The following NR6A1 variants were observed in gnomAD, a reference collection of about 807,000 sequenced individuals.
The protein encoded by NR6A1 is nuclear receptor subfamily 6 group A member 1.
In NR6A1, 7 loss-of-function variants were observed where a neutral mutation model predicts 59.1. That is an observed-to-expected ratio of 0.12 (90% CI 0.07 to 0.22). The LOEUF (loss-of-function observed/expected upper bound fraction) is 0.22. NR6A1 is among the 10% of genes least tolerant of loss of function. The pLI, the probability that NR6A1 is intolerant of heterozygous loss-of-function variation, is 1.00. For synonymous variants in NR6A1, 243 were observed against 236.1 expected (o/e 1.03, Z -0.27); for missense variants, 468 against 611.6 (o/e 0.77, Z 2.48).
At chr9:124,714,156 TATG>T (rs1440080762) in intron 2 of NR6A1, among the ~76,000 whole-genome samples, 1 of 152,212 alleles carries the variant, frequency 6.6e-6, no homozygotes, top group African/African-American at 2.4e-5. Context: ...GACAAAACTG[TATG>T]ATTCCACTTA....
intron 2 of NR6A1, among the ~76,000 whole-genome samples, chr9:124,721,748 C>A (rs1364133767): frequency 6.6e-6 from 1 of 152,156 alleles, no homozygotes; most frequent in East Asian, 1.9e-4. Context: ...TTCTTTTACA[C>A]AAAAACCCTG....
In NR6A1 at chr9:124,517,660, G is replaced by C. The variant is rs531311994; in HGVS notation, c.*5045C>G. ...GAGCCCTTAAAGGTGGTGTCTGTGG[G>C]AGTGGTGCTCCCTATGCCCTGGAGC... On this transcript the variant is annotated 3_prime_UTR_variant, in exon 10 of 10. Transcript: ENST00000487099. The C allele has an allele frequency of 6.6e-6, 1 of 152,352 alleles. No individual in the cohort carries two copies. The highest frequency in any genetic ancestry group is 6.5e-5 in the Admixed American group (1 of 15,300). The allele number at this position is 152,352 out of a possible 1,614,324, so 9.4% of individuals were successfully genotyped here.
intron 2 of NR6A1, among the ~76,000 whole-genome samples, chr9:124,575,358 G>A (rs1834557662): frequency 6.6e-6 from 1 of 152,166 alleles, no homozygotes; most frequent in Admixed American, 6.5e-5. Context: ...CAGACTGTCT[G>A]AGCTCAGGAG....
intron 2 of NR6A1, among the ~76,000 whole-genome samples, chr9:124,566,373 T>C (rs2131415239): frequency 6.6e-6 from 1 of 152,302 alleles, no homozygotes; most frequent in East Asian, 1.9e-4. Context: ...TATCTATTTA[T>C]CTTTAAGTAT....
intron 1 of NR6A1, among the ~76,000 whole-genome samples, chr9:124,766,071 A>C (rs565724367): frequency 6.6e-6 from 1 of 152,146 alleles, no homozygotes; most frequent in Non-Finnish European, 1.5e-5. Context: ...TCAAAGTTAC[A>C]TCTAGAGACG....
chr9:124,523,711 A>G (rs532850048), intron 9 of NR6A1, among the ~76,000 whole-genome samples: 16 of 152,222 alleles, frequency 1.1e-4, no homozygotes, highest in Non-Finnish European at 1.8e-4. Context: ...TAAAATTCCA[A>G]TAGTTTAGGC....
At chr9:124,564,458 T>C (rs79085108) in intron 2 of NR6A1, among the ~76,000 whole-genome samples, 5,850 of 152,314 alleles carry the variant, frequency 0.038, 330 homozygotes, top group African/African-American at 0.12. Context: ...AGATGCCGTT[T>C]ACAATAGCAT....
intron 6 of NR6A1, 57 bp from the exon 7 acceptor site, chr9:124,536,189 G>T: frequency 6.4e-6 from 10 of 1,569,302 alleles, no homozygotes; most frequent in Non-Finnish European, 8.6e-6. Context: ...GAGGATAAGG[G>T]TACAGAGAGA....
intron 1 of NR6A1, among the ~76,000 whole-genome samples, chr9:124,749,050 G>C (rs1385949842): frequency 2.0e-5 from 3 of 152,132 alleles, no homozygotes; most frequent in Admixed American, 1.3e-4. Flanking sequence ...ATCACCTGAA[G>C]TAGGGAGTTT....
rs1833371555 is a variant in NR6A1 at position 124,539,165 on chromosome 9, A to C, written c.597-846T>G. 5.3e-5 allele frequency among the ~76,000 whole-genome samples: 8 copies of C among 152,264 alleles called. No homozygotes were observed. The South Asian group carries it at 1.7e-3, about 32-fold the overall frequency. The stretch of plus-strand genomic sequence containing the variant: ...AGCAATCTACCCACCTTGACCTCCC[A>C]AAGTGCTGGGAATACAGATGTGAGC... On this transcript the variant is annotated intron_variant, in intron 5 of 9. Coordinates refer to ENST00000487099, the MANE Select transcript of NR6A1 (RefSeq NM_033334.4).
chr9:124,563,400 T>TTAAA (rs1834134888), intron 2 of NR6A1, among the ~76,000 whole-genome samples: 3 of 152,246 alleles, frequency 2.0e-5, no homozygotes, highest in Admixed American at 2.0e-4. Flanking sequence ...GCCTAGCATT[T>TTAAA]CAGACATACT....
At position 124,687,386 on chromosome 9, in the gene NR6A1, CT is replaced by C. The variant is rs571577877; in HGVS notation, c.142+45921del. ...AAACTCCTGGCCTCAAGTGATACCCCTATCTCAGCTCCCAAAGTGCTGGCAT... is the reference window on the plus strand; with the variant it reads ...AAACTCCTGGCCTCAAGTGATACCCCATCTCAGCTCCCAAAGTGCTGGCAT... On this transcript the variant is annotated intron_variant, in intron 2 of 9. Transcript: ENST00000487099. Among the ~76,000 whole-genome samples, 90 of 152,056 alleles carry C rather than the reference CT, an allele frequency of 5.9e-4. 1 individual carries two copies. The South Asian group carries it at 0.018, about 30-fold the overall frequency.
chr9:124,592,680 G>A (rs906571270), intron 2 of NR6A1, among the ~76,000 whole-genome samples: 7 of 152,120 alleles, frequency 4.6e-5, no homozygotes, highest in African/African-American at 1.4e-4. Flanking sequence ...AGGTCTCCCC[G>A]CCTCCCCTTA....
intron 2 of NR6A1, among the ~76,000 whole-genome samples, chr9:124,671,770 C>T (rs1424851728): frequency 6.6e-5 from 10 of 152,106 alleles, no homozygotes; most frequent in Admixed American, 4.6e-4. Context: ...TATGTTTTAC[C>T]TCAAACTTTT....
chr9:124,762,407 G>A (rs1840807185), intron 1 of NR6A1, among the ~76,000 whole-genome samples: 2 of 152,090 alleles, frequency 1.3e-5, no homozygotes, highest in South Asian at 4.1e-4. Flanking sequence ...CTTAATATCT[G>A]GCTTAATCCT....
chr9:124,520,355 G>C lies in NR6A1; in HGVS notation c.*2350C>G, dbSNP rs937605482. On this transcript the variant is annotated 3_prime_UTR_variant, in exon 10 of 10. Coordinates refer to ENST00000487099, the MANE Select transcript of NR6A1 (RefSeq NM_033334.4). ...TGCTCTGAGATTCTGCAGGGCTCTCGGCAATGAATGGGCTCTTTGTTCTGT... is the reference window on the plus strand; with the variant it reads ...TGCTCTGAGATTCTGCAGGGCTCTCCGCAATGAATGGGCTCTTTGTTCTGT... 1.3e-5 allele frequency: 2 copies of C among 152,152 alleles called. No individual in the cohort carries two copies. Among genetic ancestry groups the C allele is most frequent in the African/African-American group, 4.8e-5 (2 of 41,422 alleles). 9.4% of individuals were successfully genotyped at this position (152,152 alleles called of 1,614,324 possible).
At chr9:124,635,601 G>A (rs538032570) in intron 2 of NR6A1, among the ~76,000 whole-genome samples, 17 of 152,282 alleles carry the variant, frequency 1.1e-4, no homozygotes, top group Admixed American at 8.5e-4. Flanking sequence ...TCACAGCAGG[G>A]TGAGAACAGA....
rs939237610 is a variant in NR6A1, at chr9:124,521,501, A to T, written c.*1204T>A. On this transcript the variant is annotated 3_prime_UTR_variant, in exon 10 of 10. Transcript: ENST00000487099. Reference sequence around the variant, plus strand: ...GGAAAACTGGTCTCACTCTGGAGAGAAAAGGAGAACTTGGAGAAGAACTTA... The same window carrying T: ...GGAAAACTGGTCTCACTCTGGAGAGTAAAGGAGAACTTGGAGAAGAACTTA... The T allele has an allele frequency of 6.6e-6, 1 of 152,388 alleles. No homozygotes were observed. Among genetic ancestry groups the T allele is most frequent in the Non-Finnish European group, 1.5e-5 (1 of 68,194 alleles). The allele number at this position is 152,388 out of a possible 1,614,324, so 9.4% of individuals were successfully genotyped here.
Position 124,535,894 on chromosome 9 carries a change from C to T in NR6A1, c.1063G>A (p.Asp355Asn), listed in dbSNP as rs777612868. ...ADVTAKYSPSDEELHRFSDEG... is the reference protein window; with the variant it reads ...ADVTAKYSPSNEELHRFSDEG... ...AGGCCTCACCTGTGTAGTTCTTCAT[C>T]GGAGGGCGAGTACTTGGCAGTGACA... Residue 355 changes from aspartate (D) to asparagine (N), a missense_variant, in exon 7 of 10, where the codon GAT becomes AAT. Physicochemically the swap from Asp to Asn is conservative, Grantham distance 23 (BLOSUM62 1). Around this residue, in one of 4 missense-constraint regions of NR6A1, gnomAD observed 176 missense variants for 264.0 expected, o/e 0.67. Transcript: ENST00000487099. 1.5e-5 allele frequency: 24 copies of T among 1,613,930 alleles called. 1 individual carries two copies. The East Asian group carries it at 2.2e-4, about 15-fold the overall frequency.
Sources: gnomAD v4.1 joint callset for allele counts (sites outside exome capture counted in the v4.1 genomes callset) on GRCh38, gnomAD v4.1.1 for gene constraint, gnomAD v4.1.1 regional missense constraint, MANE v1.5 for transcripts, NCBI Gene and HGNC (gene_info 2026-07-23, HGNC 2026-07-21) for gene names.